MAST2: variants seen among roughly 807,000 people sequenced by gnomAD.
MAST2 encodes microtubule associated serine/threonine kinase 2.
MAST2 carries 70 observed loss-of-function variants against 147.4 expected under a neutral mutation model. The observed-to-expected ratio is 0.47, with a 90% CI of 0.39 to 0.58. MAST2 has a LOEUF of 0.58. Among genes scored for constraint, MAST2 ranks in the 20% least tolerant of loss-of-function variants. The pLI, the probability that MAST2 is intolerant of heterozygous loss-of-function variation, is 0.00. For synonymous variants in MAST2, 869 were observed against 896.8 expected (o/e 0.97, Z 0.55); for missense variants, 2,080 against 2,302.3 (o/e 0.90, Z 1.98).
chr1:45,998,965 C>G (rs1433490014), intron 6 of MAST2, among the ~76,000 whole-genome samples: 1 of 152,058 alleles, frequency 6.6e-6, no homozygotes, highest in Non-Finnish European at 1.5e-5. Flanking sequence ...ATCTCCTGAC[C>G]TCGTGATCCA....
At position 45,803,999 on chromosome 1, in the gene MAST2, G is replaced by T. The variant is rs1322386278; in HGVS notation, c.104G>T (p.Arg35Leu). 10 of 1,151,018 alleles carry T rather than the reference G, an allele frequency of 8.7e-6. No homozygotes were observed. In the Admixed American group the frequency reaches 4.2e-4, roughly 49 times the overall value. 71.3% of individuals were successfully genotyped at this position (1,151,018 alleles called of 1,614,324 possible). Residue 35 changes from arginine to leucine, a missense_variant, in exon 1 of 29, where the codon CGC becomes CTC. Physicochemically the swap from Arg to Leu is moderately radical, Grantham distance 102. Transcript: ENST00000361297. Reference protein sequence around the residue: ...AAELSQSLPPRRRAPPGRQRL... With the variant: ...AAELSQSLPPLRRAPPGRQRL... The stretch of plus-strand genomic sequence containing the variant: ...GAGCTGTCTCAGTCTTTGCCGCCGC[G>T]CCGGCGAGCGCCGCCCGGGAGGCAG...
intron 4 of MAST2, chr1:45,913,514 A>G (rs373726599): frequency 1.1e-6 from 1 of 887,912 alleles, no homozygotes. Flanking sequence ...TGACGCAGGA[A>G]CAAGGTGCTT....
chr1:45,977,756 C>T (rs188430579), intron 5 of MAST2, among the ~76,000 whole-genome samples: 36 of 149,700 alleles, frequency 2.4e-4, no homozygotes, highest in South Asian at 2.1e-3. Flanking sequence ...GTCAAGATCG[C>T]GCCACTACAC....
intron 4 of MAST2, among the ~76,000 whole-genome samples, chr1:45,899,995 C>T (rs1649467766): frequency 6.6e-6 from 1 of 151,398 alleles, no homozygotes; most frequent in Middle Eastern, 3.2e-3. Context: ...CATGGTAAAA[C>T]CCTGTCTCTA....
chr1:45,806,797 G>A (rs1412250349), intron 1 of MAST2, among the ~76,000 whole-genome samples: 2 of 152,106 alleles, frequency 1.3e-5, no homozygotes, highest in East Asian at 1.9e-4. Flanking sequence ...GGCTAGTCAC[G>A]AGCTCCTAAC....
At chr1:45,888,044 T>C (rs1647170633) in intron 4 of MAST2, among the ~76,000 whole-genome samples, 1 of 152,218 alleles carries the variant, frequency 6.6e-6, no homozygotes. Flanking sequence ...TGAAAATCCT[T>C]GAGAACCTGT....
intron 4 of MAST2, among the ~76,000 whole-genome samples, chr1:45,947,060 G>A (rs1223649598): frequency 2.0e-5 from 3 of 152,050 alleles, no homozygotes; most frequent in Non-Finnish European, 4.4e-5. Flanking sequence ...GTTAGATTAG[G>A]CCTTCAAATA....
chr1:46,018,435 T>C (rs997445584), intron 10 of MAST2, among the ~76,000 whole-genome samples: 1 of 152,220 alleles, frequency 6.6e-6, no homozygotes, highest in East Asian at 1.9e-4. Context: ...TGATTCAGAA[T>C]AGTTTAAACA....
chr1:45,984,642 C>G (rs1029405724), intron 5 of MAST2, among the ~76,000 whole-genome samples: 1 of 152,006 alleles, frequency 6.6e-6, no homozygotes, highest in African/African-American at 2.4e-5. Context: ...AAGTCAAAAT[C>G]TAAATTAAAA....
intron 5 of MAST2, among the ~76,000 whole-genome samples, chr1:45,972,886 C>T (rs1643974375): frequency 6.6e-6 from 1 of 152,198 alleles, no homozygotes. Context: ...GCTTAGAACA[C>T]TGATTATCTG....
At chr1:45,922,977 G>A (rs1203672783) in intron 4 of MAST2, among the ~76,000 whole-genome samples, 1 of 152,170 alleles carries the variant, frequency 6.6e-6, no homozygotes, top group Non-Finnish European at 1.5e-5. Context: ...AACAATGTGG[G>A]CATGCTGTAC....
At chr1:45,877,494 A>G (rs1290677315) in intron 3 of MAST2, among the ~76,000 whole-genome samples, 5 of 152,212 alleles carry the variant, frequency 3.3e-5, no homozygotes, top group Non-Finnish European at 7.3e-5. Context: ...ATTGGATTTT[A>G]AAGTCCAATG....
Position 46,027,724 on chromosome 1 carries a change from C to T in MAST2, c.1920-7C>T, listed in dbSNP as rs773512624. On this transcript the variant is annotated splice_polypyrimidine_tract_variant and splice_region_variant and intron_variant, in intron 16 of 28. Coordinates refer to ENST00000361297, the MANE Select transcript of MAST2 (RefSeq NM_015112.3). ...AACTTCTTAATTTTATTTCTTCGTT[C>T]TTCCAGCCTCCTAATTACATCCATG... 39 of 1,602,392 alleles carry T rather than the reference C, an allele frequency of 2.4e-5. No homozygotes were observed. The highest frequency in any genetic ancestry group is 3.1e-5 in the Non-Finnish European group (37 of 1,175,654).
At chr1:45,830,181 C>T (rs867084346) in intron 3 of MAST2, among the ~76,000 whole-genome samples, 12 of 108,228 alleles carry the variant, frequency 1.1e-4, no homozygotes, top group South Asian at 3.1e-4. Context: ...TTAATTGAAT[C>T]TTTTTTTTTT....
chr1:45,870,144 G>A (rs955268960), intron 3 of MAST2, among the ~76,000 whole-genome samples: 2 of 152,104 alleles, frequency 1.3e-5, no homozygotes, highest in Non-Finnish European at 2.9e-5. Flanking sequence ...GGCTAGTCTC[G>A]AATTCCTGAC....
chr1:45,937,516 G>A (rs952284580), intron 4 of MAST2, among the ~76,000 whole-genome samples: 3 of 151,880 alleles, frequency 2.0e-5, no homozygotes, highest in Non-Finnish European at 4.4e-5. Flanking sequence ...TTGGGAGGCC[G>A]AGGCAGGTGG....
intron 4 of MAST2, among the ~76,000 whole-genome samples, chr1:45,921,969 T>C (rs961547357): frequency 6.6e-6 from 1 of 152,200 alleles, no homozygotes; most frequent in African/African-American, 2.4e-5. Flanking sequence ...GGGAACTTTA[T>C]TGAGTGATAT....
At position 45,954,264 on chromosome 1, in the gene MAST2, G is replaced by A. The variant is rs181371682; in HGVS notation, c.501-5122G>A. ...AGGCTTCCTAAGTAAATTTACAGCA[G>A]CTCTTGCAGGGGTCAGATTTTCCGA... On this transcript the variant is annotated intron_variant, in intron 4 of 28. Coordinates refer to ENST00000361297, the MANE Select transcript of MAST2 (RefSeq NM_015112.3). Among the ~76,000 whole-genome samples the A allele has an allele frequency of 7.3e-4, 111 of 152,240 alleles. 2 individuals carry two copies. Among genetic ancestry groups the A allele is most frequent in the African/African-American group, 2.6e-3 (109 of 41,542 alleles).
chr1:45,818,473 AGATGACACTTCAAAAT>A (rs1367415835), intron 1 of MAST2, among the ~76,000 whole-genome samples: 1 of 152,248 alleles, frequency 6.6e-6, no homozygotes, highest in Non-Finnish European at 1.5e-5. Flanking sequence ...GAATAAGAGA[AGATGACACTTCAAAAT>A]GATGATTATT....
Sources: allele counts gnomAD v4.1 joint callset (sites outside exome capture counted in the v4.1 genomes callset), GRCh38; gene constraint gnomAD v4.1.1; transcripts MANE v1.5; gene names NCBI Gene and HGNC (gene_info 2026-07-23, HGNC 2026-07-21).